The following CEP290 variants were observed in gnomAD, a reference collection of about 807,000 sequenced individuals.
The protein encoded by CEP290 is centrosomal protein of 290 kDa.
Under a neutral mutation model 344.9 loss-of-function variants are expected in CEP290, and 317 were observed. The observed-to-expected ratio is 0.92, with a 90% CI of 0.84 to 1.01. CEP290 has a LOEUF of 1.01. Ranked by LOEUF, CEP290 falls within the 50% of genes least tolerant of loss-of-function variation. CEP290 has a pLI of 0.00. For missense variants in CEP290, 2,754 were observed against 2,761.4 expected, an observed-to-expected ratio of 1.00 and a Z score of 0.06; for synonymous variants, 932 against 895.8, an observed-to-expected ratio of 1.04 and a Z score of -0.72.
chr12:88,125,770 T>C (rs369489050), intron 12 of CEP290, among the ~76,000 whole-genome samples: 1 of 152,110 alleles, frequency 6.6e-6, no homozygotes, highest in East Asian at 1.9e-4. Flanking sequence ...TAAAAAATGT[T>C]GTCCCCTGTA....
At position 88,086,383 on chromosome 12, in the gene CEP290, A is replaced by G. The variant is rs374185481; in HGVS notation, c.4302+8T>C. ...TACAGAGTAACAAACAAGATTAATC[A>G]TTCATACCTTTTGTGCCGCATTTAG... On this transcript the variant is annotated splice_region_variant and intron_variant, in intron 33 of 53. Transcript: ENST00000552810. The G allele has an allele frequency of 6.4e-7, 1 of 1,570,472 alleles. No individual in the cohort carries two copies. The highest frequency in any genetic ancestry group is 8.7e-7 in the Non-Finnish European group (1 of 1,154,976).
At position 88,104,452 on chromosome 12, in the gene CEP290, GATA is replaced by G. The variant is rs577495558; in HGVS notation, c.2818-1444_2818-1442del. 4.1e-3 allele frequency among the ~76,000 whole-genome samples: 617 copies of G among 152,096 alleles called. 3 individuals carry two copies. Among genetic ancestry groups the G allele is most frequent in the African/African-American group, 0.014 (586 of 41,534 alleles). On this transcript the variant is annotated intron_variant, in intron 25 of 53. Transcript: ENST00000552810. ...GTTTCCAAAAAGGAAACATGAGAAA[GATA>G]ATAAGTTACCTACAGAGGGTGGAGC... is the stretch of plus-strand genomic sequence containing the variant.
intron 37 of CEP290, among the ~76,000 whole-genome samples, chr12:88,081,685 CAG>C (rs1460332180): frequency 3.9e-5 from 6 of 152,108 alleles, no homozygotes; most frequent in Admixed American, 3.9e-4. Context: ...AATATGCACA[CAG>C]AGAACACAAG....
At position 88,097,596 on chromosome 12, in the gene CEP290, C is replaced by T. The variant is rs544698901; in HGVS notation, c.2992-597G>A. On this transcript the variant is annotated intron_variant, in intron 26 of 53. Coordinates refer to ENST00000552810, the MANE Select transcript of CEP290 (RefSeq NM_025114.4). ...ATACACATACATACATATATATATACACACACACACACATACACACACACA... is the reference window on the plus strand; with the variant it reads ...ATACACATACATACATATATATATATACACACACACACATACACACACACA... Among the ~76,000 whole-genome samples, 43 of 104,892 alleles carry T rather than the reference C, an allele frequency of 4.1e-4. No individual in the cohort carries two copies. The East Asian group carries it at 5.2e-3, about 13-fold the overall frequency. The allele number at this position is 104,892 out of a possible 152,430, so 68.8% of individuals were successfully genotyped here. A position where few individuals can be genotyped will look rare whatever the true frequency, so the allele number is the denominator to read the frequency against.
chr12:88,089,156 T>G lies in CEP290; in HGVS notation c.3905A>C (p.Gln1302Pro), dbSNP rs1064794650. The G allele has an allele frequency of 6.2e-7, 1 of 1,604,176 alleles. No homozygotes were observed. The change falls in exon 31 of 54, where the codon CAA becomes CCA. Residue 1302 changes from glutamine (Q) to proline (P), a missense_variant. Physicochemically the swap from Gln to Pro is moderately conservative, Grantham distance 76. Transcript: ENST00000552810. Reference sequence around the variant, plus strand: ...TTCTTGTTGAGAATTTTTCATTTCTTGCATTATCTTAAGTTTGTCATTTTG... The same window carrying G: ...TTCTTGTTGAGAATTTTTCATTTCTGGCATTATCTTAAGTTTGTCATTTTG... ...QLQNDKLKIM[Q>P]EMKNSQQEHR...
chr12:88,125,129 GA>G lies in CEP290; in HGVS notation c.1189+116del, dbSNP rs2039651528. 1.1e-5 allele frequency: 4 copies of G among 353,802 alleles called. No individual in the cohort carries two copies. The East Asian group carries it at 2.1e-4, about 18-fold the overall frequency. The allele number at this position is 353,802 out of a possible 1,614,324, so 21.9% of individuals were successfully genotyped here. A position where few individuals can be genotyped will look rare whatever the true frequency, so the allele number is the denominator to read the frequency against. On this transcript the variant is annotated intron_variant, in intron 13 of 53. Transcript: ENST00000552810. The stretch of plus-strand genomic sequence containing the variant: ...TAATAAATATCTTGTACAATTTTTT[GA>G]AAATATAAAATTCAAATGGAGAAAA...
At position 88,064,051 on chromosome 12, in the gene CEP290, T is replaced by C. The variant is rs765197228; in HGVS notation, c.6200A>G (p.Lys2067Arg). The C allele has an allele frequency of 9.4e-6, 15 of 1,592,400 alleles. No individual in the cohort carries two copies. In the Admixed American group the frequency reaches 1.4e-4, roughly 15 times the overall value. Residue 2067 changes from lysine to arginine, a missense_variant, in exon 45 of 54, where the codon AAG becomes AGG. Lys to Arg is a conservative substitution (Grantham distance 26). Transcript: ENST00000552810. The stretch of plus-strand genomic sequence containing the variant: ...CAGTTCAATATTTTCAGATGACAAC[T>C]TCAAGTTTTCCTTCTGAAGCTCCTG... ...REQELQKENL[K>R]LSSENIELKF... is the part of the protein sequence containing the mutation.
chr12:88,136,548 T>C (rs2040362709), intron 6 of CEP290, 95 bp downstream of exon 6: 13 of 1,238,772 alleles, frequency 1.0e-5, no homozygotes, highest in East Asian at 2.4e-5. Context: ...TTTTCAAATA[T>C]AACATACAAT....
intron 52 of CEP290, among the ~76,000 whole-genome samples, chr12:88,052,056 T>C (rs2033594201): frequency 6.6e-6 from 1 of 152,198 alleles, no homozygotes; most frequent in Non-Finnish European, 1.5e-5. Flanking sequence ...ATGGAGACAG[T>C]AATACCTATC....
At chr12:88,137,576 T>C (rs936064264) in intron 5 of CEP290, among the ~76,000 whole-genome samples, 5 of 152,186 alleles carry the variant, frequency 3.3e-5, no homozygotes, top group African/African-American at 1.2e-4. Flanking sequence ...TTCTTACTCT[T>C]TCTCTCCTCC....
chr12:88,096,471 G>A (rs1355181941), intron 27 of CEP290, among the ~76,000 whole-genome samples: 1 of 152,090 alleles, frequency 6.6e-6, no homozygotes, highest in Non-Finnish European at 1.5e-5. Context: ...GTAAAACTAT[G>A]AGAAATACAA....
chr12:88,127,381 A>G (rs1053150589), intron 11 of CEP290, among the ~76,000 whole-genome samples: 1 of 152,100 alleles, frequency 6.6e-6, no homozygotes, highest in Non-Finnish European at 1.5e-5. Context: ...CCAGCTACTC[A>G]GGAGGCTGAG....
chr12:88,086,029 T>G lies in CEP290; in HGVS notation c.4437+10A>C, dbSNP rs1222563359. The G allele has an allele frequency of 3.7e-6, 6 of 1,601,524 alleles. No individual in the cohort carries two copies. Among genetic ancestry groups the G allele is most frequent in the Non-Finnish European group, 5.1e-6 (6 of 1,173,574 alleles). On this transcript the variant is annotated intron_variant, in intron 34 of 53. Coordinates refer to ENST00000552810, the MANE Select transcript of CEP290 (RefSeq NM_025114.4). Reference sequence around the variant, plus strand: ...AATACACTAATCAAAATGCAAATTCTTCTAATTACCTCTTCTAGTGATTTG... The same window carrying G: ...AATACACTAATCAAAATGCAAATTCGTCTAATTACCTCTTCTAGTGATTTG...
intron 50 of CEP290, 25 bp downstream of exon 50, chr12:88,055,551 T>C (rs1345202001): frequency 6.5e-7 from 1 of 1,540,910 alleles, no homozygotes; most frequent in Non-Finnish European, 8.8e-7. Flanking sequence ...TATTTTATCA[T>C]GTAAAGAAAA....
At chr12:88,088,032 T>C (rs1276446257) in intron 31 of CEP290, 88 bp from the exon 32 acceptor site, 2 of 478,914 alleles carry the variant, frequency 4.2e-6, no homozygotes, top group Non-Finnish European at 6.9e-6. Context: ...TAATTGAAAG[T>C]AATGGCCATT....
At chr12:88,054,299 T>A (rs555760333) in intron 51 of CEP290, 41 bp downstream of exon 51, 8 of 1,343,922 alleles carry the variant, frequency 6.0e-6, no homozygotes, top group South Asian at 5.3e-5. Flanking sequence ...ATTTTTTTTT[T>A]AAAGAAAAAA....
intron 29 of CEP290, among the ~76,000 whole-genome samples, chr12:88,092,015 C>A (rs997355230): frequency 2.0e-5 from 3 of 152,038 alleles, no homozygotes; most frequent in African/African-American, 7.2e-5. Flanking sequence ...CGGGATCAAG[C>A]GATTCTCCTG....
chr12:88,131,542 C>T (rs1242005382), intron 6 of CEP290, among the ~76,000 whole-genome samples: 1 of 152,076 alleles, frequency 6.6e-6, no homozygotes, highest in Non-Finnish European at 1.5e-5. Context: ...GGATTTCAGA[C>T]ATGAGCCACT....
rs1420881901 is a variant in CEP290 at position 88,068,605 on chromosome 12, A to C, written c.6052T>G (p.Leu2018Val). The C allele has an allele frequency of 6.3e-7, 1 of 1,594,244 alleles. No homozygotes were observed. The highest frequency in any genetic ancestry group is 1.2e-5 in the South Asian group (1 of 85,402). ...TGGAGGTATCTATTTTGTAAATGTA[A>C]ATCTTCTACAACAGAATCTCGAGGA... ...ALPRDSVVED[L>V]HLQNRYLQEK... Residue 2018 changes from leucine to valine, a missense_variant, in exon 44 of 54, where the codon TTA (leucine) becomes GTA (valine). By Grantham distance (32) the Leu-to-Val change is conservative. Transcript: ENST00000552810.
Sources: allele counts gnomAD v4.1 joint callset (sites outside exome capture counted in the v4.1 genomes callset), GRCh38; gene constraint gnomAD v4.1.1; transcripts MANE v1.5; gene names NCBI Gene and HGNC (gene_info 2026-07-23, HGNC 2026-07-21).